Variants in HYCC2 observed in about 807,000 individuals in gnomAD.
HYCC2 encodes hyccin 2.
At chr2:201,049,546 G>T in the HYCC2 span, among the ~76,000 whole-genome samples, 1 of 151,560 alleles carries the variant, frequency 6.6e-6, no homozygotes, top group Non-Finnish European at 1.5e-5. Context: ...GTAGAGACGG[G>T]GTTTCACCAC....
the HYCC2 span, among the ~76,000 whole-genome samples, chr2:201,000,367 C>A: frequency 6.6e-6 from 1 of 151,722 alleles, no homozygotes; most frequent in East Asian, 1.9e-4. Flanking sequence ...CCAGCCTGGG[C>A]AACAAAGCAA....
At chr2:200,978,425 T>C in the HYCC2 span, 2 of 151,400 alleles carry the variant, frequency 1.3e-5, no homozygotes, top group Non-Finnish European at 2.9e-5. Context: ...CAAACATATA[T>C]GTATATACAT....
the HYCC2 span, among the ~76,000 whole-genome samples, chr2:201,000,871 T>A: frequency 6.6e-6 from 1 of 151,076 alleles, no homozygotes; most frequent in Non-Finnish European, 1.5e-5. Context: ...AGGTGGCTCA[T>A]GCCTATAATC....
At chr2:201,030,159 A>T in the HYCC2 span, among the ~76,000 whole-genome samples, 1 of 152,126 alleles carries the variant, frequency 6.6e-6, no homozygotes, top group Admixed American at 6.5e-5. Context: ...AAAATAAACA[A>T]AATTGGAACT....
the HYCC2 span, among the ~76,000 whole-genome samples, chr2:201,024,952 T>TA: frequency 1.7e-4 from 25 of 147,062 alleles, no homozygotes; most frequent in East Asian, 5.9e-4. Context: ...CTATAAAAAA[T>TA]AAAAAAAAAA....
chr2:201,000,319 G>A, the HYCC2 span, among the ~76,000 whole-genome samples: 7 of 151,576 alleles, frequency 4.6e-5, no homozygotes, highest in African/African-American at 1.7e-4. Flanking sequence ...GGGTTCTAGG[G>A]TGCAGGCTGC....
At chr2:201,014,954 T>C in the HYCC2 span, among the ~76,000 whole-genome samples, 1 of 152,196 alleles carries the variant, frequency 6.6e-6, no homozygotes, top group Non-Finnish European at 1.5e-5. Flanking sequence ...TCATAAACAA[T>C]GTACTATCAA....
chr2:201,037,215 C>G, the HYCC2 span, among the ~76,000 whole-genome samples: 1 of 152,128 alleles, frequency 6.6e-6, no homozygotes, highest in African/African-American at 2.4e-5. Context: ...TCAAGAACTA[C>G]AAACCACTGC....
chr2:200,987,167 C>A, the HYCC2 span, among the ~76,000 whole-genome samples: 1 of 152,146 alleles, frequency 6.6e-6, no homozygotes, highest in African/African-American at 2.4e-5. Context: ...CAGGCCAGCA[C>A]AAATAGTAAC....
the HYCC2 span, among the ~76,000 whole-genome samples, chr2:201,042,755 G>A: frequency 0.018 from 2,519 of 143,480 alleles, 62 homozygotes; most frequent in African/African-American, 0.061. Context: ...GGCAGCCCCC[G>A]CCCGCCGCCC....
the HYCC2 span, among the ~76,000 whole-genome samples, chr2:201,054,077 G>A: frequency 3.3e-5 from 5 of 152,130 alleles, no homozygotes; most frequent in Admixed American, 3.3e-4. Flanking sequence ...CAACTTCCTG[G>A]GAATCCAGAA....
At chr2:200,985,541 G>T in the HYCC2 span, among the ~76,000 whole-genome samples, 1 of 151,950 alleles carries the variant, frequency 6.6e-6, no homozygotes. Context: ...CGTGCCTGTA[G>T]TCCTAGCTAT....
the HYCC2 span, among the ~76,000 whole-genome samples, chr2:201,049,495 C>T: frequency 5.3e-5 from 8 of 151,338 alleles, no homozygotes; most frequent in African/African-American, 1.7e-4. Context: ...GGAATACAGG[C>T]GCGTGCCACC....
At chr2:201,028,228 G>C in the HYCC2 span, among the ~76,000 whole-genome samples, 8 of 152,182 alleles carry the variant, frequency 5.3e-5, no homozygotes, top group East Asian at 1.4e-3. Flanking sequence ...GCTTCAAAGA[G>C]AATAAAATAC....
chr2:201,005,560 T>A, the HYCC2 span, among the ~76,000 whole-genome samples: 1 of 152,248 alleles, frequency 6.6e-6, no homozygotes, highest in East Asian at 1.9e-4. Flanking sequence ...GGCTAGGCTA[T>A]GCCTTCATTC....
chr2:200,976,039 A>C, the HYCC2 span: 1 of 152,144 alleles, frequency 6.6e-6, no homozygotes, highest in Non-Finnish European at 1.5e-5. Context: ...TTTACACTGC[A>C]TTCCATCTGC....
the HYCC2 span, among the ~76,000 whole-genome samples, chr2:201,054,222 C>T: frequency 6.6e-6 from 1 of 152,228 alleles, no homozygotes; most frequent in African/African-American, 2.4e-5. Flanking sequence ...TTAATGGCAT[C>T]TTTTCCAATT....
At chr2:201,005,559 A>G in the HYCC2 span, among the ~76,000 whole-genome samples, 7,891 of 152,264 alleles carry the variant, frequency 0.052, 472 homozygotes, top group African/African-American at 0.14. Flanking sequence ...GGGCTAGGCT[A>G]TGCCTTCATT....
chr2:200,989,215 A>G, the HYCC2 span, among the ~76,000 whole-genome samples: 5 of 152,336 alleles, frequency 3.3e-5, no homozygotes, highest in African/African-American at 2.4e-5. Context: ...ACTGACAATA[A>G]AAGAATACTG....
Sources: gnomAD v4.1 joint callset for allele counts (sites outside exome capture counted in the v4.1 genomes callset) on GRCh38, gnomAD v4.1.1 for gene constraint, MANE v1.5 for transcripts, NCBI Gene and HGNC (gene_info 2026-07-23, HGNC 2026-07-21) for gene names.